Variants in STAT3 observed in about 807,000 individuals in gnomAD.
The protein encoded by STAT3 is DNA-binding protein APRF.
Under a neutral mutation model 114.3 loss-of-function variants are expected in STAT3, and 7 were observed. That is an observed-to-expected ratio of 0.06 (90% CI 0.03 to 0.11). The LOEUF (loss-of-function observed/expected upper bound fraction) is 0.11, where lower values mean the gene tolerates loss of function less well. Ranked by LOEUF, STAT3 falls within the 10% of genes least tolerant of loss-of-function variation. STAT3 has a pLI of 1.00. For missense variants in STAT3, 364 were observed against 960.9 expected, an observed-to-expected ratio of 0.38 and a Z score of 8.21; for synonymous variants, 331 against 354.5, an observed-to-expected ratio of 0.93 and a Z score of 0.74.
intron 1 of STAT3, among the ~76,000 whole-genome samples, chr17:42,386,311 A>G (rs1421114025): frequency 6.6e-6 from 1 of 151,482 alleles, no homozygotes; most frequent in Admixed American, 6.6e-5. Context: ...TTTCACTGAT[A>G]CTTTTCACAA....
At chr17:42,378,139 C>T (rs2084572375) in intron 1 of STAT3, among the ~76,000 whole-genome samples, 1 of 151,714 alleles carries the variant, frequency 6.6e-6, no homozygotes, top group African/African-American at 2.4e-5. Context: ...GCGTGAGCCA[C>T]CGCACCCAGC....
intron 4 of STAT3, among the ~76,000 whole-genome samples, chr17:42,343,246 T>G (rs935492993): frequency 6.6e-6 from 1 of 151,598 alleles, no homozygotes; most frequent in Admixed American, 6.6e-5. Flanking sequence ...CACAATTTTT[T>G]AAAAAGCAGG....
At chr17:42,362,783 T>C (rs1386028627) in intron 1 of STAT3, among the ~76,000 whole-genome samples, 1 of 152,196 alleles carries the variant, frequency 6.6e-6, no homozygotes, top group Non-Finnish European at 1.5e-5. Flanking sequence ...ATTACTAGCA[T>C]GACCGACATC....
intron 1 of STAT3, among the ~76,000 whole-genome samples, chr17:42,384,040 G>A (rs779892688): frequency 7.2e-5 from 11 of 152,106 alleles, no homozygotes; most frequent in Non-Finnish European, 1.2e-4. Flanking sequence ...CCAGCATCAG[G>A]CAATCAGGCC....
chr17:42,314,663 C>A lies in STAT3; in HGVS notation c.*1082G>T, dbSNP rs184030721. 60 of 225,934 alleles carry A rather than the reference C, an allele frequency of 2.7e-4. No individual in the cohort carries two copies. In the Middle Eastern group the frequency reaches 4.1e-3, roughly 15 times the overall value. The allele number at this position is 225,934 out of a possible 1,614,324, so 14.0% of individuals were successfully genotyped here. ...CAATACATTACAAAGGAAAATAAGT[C>A]TATTTATAAAAAAAAGTCTAAAATG... On this transcript the variant is annotated 3_prime_UTR_variant, in exon 24 of 24. Coordinates refer to ENST00000264657, the MANE Select transcript of STAT3 (RefSeq NM_139276.3).
At chr17:42,367,132 A>G (rs2083845975) in intron 1 of STAT3, among the ~76,000 whole-genome samples, 1 of 151,988 alleles carries the variant, frequency 6.6e-6, no homozygotes, top group African/African-American at 2.4e-5. Flanking sequence ...ACACAGCGAG[A>G]CTCCGTCTCA....
At chr17:42,345,198 G>C (rs1044936787) in intron 4 of STAT3, among the ~76,000 whole-genome samples, 2 of 151,908 alleles carry the variant, frequency 1.3e-5, no homozygotes, top group African/African-American at 4.8e-5. Flanking sequence ...CCTGGAGGTG[G>C]AGGTTGCAGT....
At chr17:42,366,083 C>T (rs2145205367) in intron 1 of STAT3, among the ~76,000 whole-genome samples, 1 of 152,280 alleles carries the variant, frequency 6.6e-6, no homozygotes, top group South Asian at 2.1e-4. Flanking sequence ...GCCCCATCCG[C>T]TAATATGAAC....
chr17:42,367,871 T>C (rs1450650683), intron 1 of STAT3, among the ~76,000 whole-genome samples: 2 of 152,212 alleles, frequency 1.3e-5, no homozygotes, highest in South Asian at 2.1e-4. Flanking sequence ...TTCAAAAATC[T>C]AGAACACACT....
intron 8 of STAT3, among the ~76,000 whole-genome samples, chr17:42,334,446 T>C (rs2082147308): frequency 7.0e-6 from 1 of 142,172 alleles, no homozygotes; most frequent in Non-Finnish European, 1.5e-5. Flanking sequence ...GGCCTTTTTT[T>C]TTTTTTTTTT....
intron 4 of STAT3, among the ~76,000 whole-genome samples, chr17:42,343,455 C>CTTTTTTTTTTTT (rs34846688): frequency 2.0e-5 from 2 of 99,172 alleles, no homozygotes; most frequent in Non-Finnish European, 1.9e-5. Flanking sequence ...TCAGATCTTT[C>CTTTTTTTTTTTT]TTTTTTTTTT....
At chr17:42,346,294 C>T (rs534513675) in intron 3 of STAT3, among the ~76,000 whole-genome samples, 1 of 152,310 alleles carries the variant, frequency 6.6e-6, no homozygotes, top group South Asian at 2.1e-4. Context: ...AGTCATCTTC[C>T]TATCAGTGGA....
intron 1 of STAT3, among the ~76,000 whole-genome samples, chr17:42,386,280 C>CAAA (rs61454571): frequency 2.8e-5 from 3 of 106,200 alleles, no homozygotes; most frequent in Non-Finnish European, 2.0e-5. Flanking sequence ...GACTCTGACT[C>CAAA]AAAAAAAAAA....
At chr17:42,349,794 C>T (rs527657568) in intron 1 of STAT3, among the ~76,000 whole-genome samples, 30 of 152,336 alleles carry the variant, frequency 2.0e-4, no homozygotes, top group South Asian at 1.0e-3. Flanking sequence ...CAGTGGCTTA[C>T]GCCTGTAATC....
At chr17:42,320,885 C>G (rs904686304) in intron 21 of STAT3, among the ~76,000 whole-genome samples, 6 of 152,030 alleles carry the variant, frequency 3.9e-5, no homozygotes, top group African/African-American at 1.4e-4. Context: ...CAGGGCTACC[C>G]CCTCCACACT....
chr17:42,327,349 T>C (rs1294643331), intron 14 of STAT3, among the ~76,000 whole-genome samples: 2 of 152,236 alleles, frequency 1.3e-5, no homozygotes, highest in Non-Finnish European at 2.9e-5. Context: ...TTTGGGACAT[T>C]TGTGAACCTT....
chr17:42,359,735 C>T (rs1417775381), intron 1 of STAT3, among the ~76,000 whole-genome samples: 1 of 152,106 alleles, frequency 6.6e-6, no homozygotes, highest in African/African-American at 2.4e-5. Flanking sequence ...ATTTTTATCC[C>T]ACTTTACAGA....
At chr17:42,380,046 T>C (rs952785248) in intron 1 of STAT3, among the ~76,000 whole-genome samples, 3 of 152,198 alleles carry the variant, frequency 2.0e-5, no homozygotes, top group African/African-American at 7.2e-5. Context: ...TTTTGTTTTT[T>C]GTTTTTGTGA....
intron 1 of STAT3, 68 bp downstream of exon 1, chr17:42,388,211 C>T: frequency 8.1e-7 from 1 of 1,228,768 alleles, no homozygotes; most frequent in Non-Finnish European, 1.0e-6. Context: ...GTCCCAGAGG[C>T]CCCCTGCCGC....
Sources: gnomAD v4.1 joint callset for allele counts (sites outside exome capture counted in the v4.1 genomes callset) on GRCh38, gnomAD v4.1.1 for gene constraint, MANE v1.5 for transcripts, NCBI Gene and HGNC (gene_info 2026-07-23, HGNC 2026-07-21) for gene names.